The following CHD2 variants were observed in gnomAD, a reference collection of about 807,000 sequenced individuals.
The protein encoded by CHD2 is chromodomain helicase DNA binding protein 2, also known as ATP-dependent chromatin remodeler CHD2.
CHD2 carries 28 observed loss-of-function variants against 243.9 expected under a neutral mutation model. The ratio of observed to expected loss-of-function variants is 0.11; its 90% CI spans 0.09 to 0.16. CHD2 has a LOEUF of 0.16. CHD2 is among the 10% of genes least tolerant of loss of function. CHD2 has a pLI of 1.00. For synonymous variants in CHD2, 775 were observed against 779.0 expected (o/e 0.99, Z 0.09); for missense variants, 1,386 against 2,209.8 (o/e 0.63, Z 7.47).
intron 3 of CHD2, among the ~76,000 whole-genome samples, chr15:92,926,407 T>A (rs1246192205): frequency 6.6e-6 from 1 of 152,248 alleles, no homozygotes; most frequent in Non-Finnish European, 1.5e-5. Context: ...TTTTGCTACT[T>A]GCTTAATTTC....
chr15:92,949,530 C>A (rs1015877640), intron 13 of CHD2, among the ~76,000 whole-genome samples: 3 of 152,140 alleles, frequency 2.0e-5, no homozygotes, highest in African/African-American at 7.2e-5. Context: ...TCACTCCACT[C>A]CCTACCTATA....
In CHD2 at chr15:92,972,346, A is replaced by G. The variant is rs2141836222; in HGVS notation, c.2434A>G (p.Ile812Val). 1 of 1,612,710 alleles carries G rather than the reference A, an allele frequency of 6.2e-7. No individual in the cohort carries two copies. The highest frequency in any genetic ancestry group is 8.5e-7 in the Non-Finnish European group (1 of 1,179,446). ...RLRERGNRVL[I>V]FSQMVRMLDI... is the part of the protein sequence containing the mutation. ...TCGAGAAAGGGGGAATCGAGTGCTT[A>G]TCTTCTCTCAGATGGTGAGAATGTT... The change falls in exon 19 of 39, where the codon ATC becomes GTC. Residue 812 changes from isoleucine to valine, a missense_variant. Coordinates refer to ENST00000394196, the MANE Select transcript of CHD2 (RefSeq NM_001271.4).
In CHD2 at chr15:92,945,811, A is replaced by G; in HGVS notation, c.1154-10A>G. ...TTATAACTTTTCTGTCTTATTTTTT[A>G]TTTGTTTAGCTGTGAAGACAAGTAA... On this transcript the variant is annotated splice_polypyrimidine_tract_variant and intron_variant, in intron 10 of 38. Transcript: ENST00000394196. 1 of 1,515,914 alleles carries G rather than the reference A, an allele frequency of 6.6e-7. No individual in the cohort carries two copies. The highest frequency in any genetic ancestry group is 2.3e-5 in the East Asian group (1 of 43,034). The allele number at this position is 1,515,914 out of a possible 1,614,324, so 93.9% of individuals were successfully genotyped here.
At chr15:92,952,125 C>T (rs1009100438) in intron 13 of CHD2, among the ~76,000 whole-genome samples, 4 of 152,146 alleles carry the variant, frequency 2.6e-5, no homozygotes, top group African/African-American at 9.7e-5. Flanking sequence ...TATTCTGTTT[C>T]CCAAATATAT....
At chr15:93,014,994 A>G (rs961812593) in intron 37 of CHD2, 85 bp downstream of exon 37, 28 of 1,053,012 alleles carry the variant, frequency 2.7e-5, no homozygotes, top group Non-Finnish European at 8.8e-6. Context: ...GACACTGGCT[A>G]GACTTCTGTG....
intron 2 of CHD2, among the ~76,000 whole-genome samples, chr15:92,916,320 T>G (rs1338343682): frequency 6.6e-6 from 1 of 152,260 alleles, no homozygotes; most frequent in Admixed American, 6.5e-5. Context: ...GAGCTCTGTT[T>G]CAGATACTTT....
At position 93,022,520 on chromosome 15, in the gene CHD2, G is replaced by A. The variant is rs551160699; in HGVS notation, c.5154-1852G>A. 2.4e-3 allele frequency among the ~76,000 whole-genome samples: 372 copies of A among 152,320 alleles called. 1 individual carries two copies. The highest frequency in any genetic ancestry group is 8.5e-3 in the African/African-American group (354 of 41,566). ...TGGTGTGGCTGGTGAGAACAGGCAC[G>A]ATGCCAGTTCTTTGTGAGCACAGGG... On this transcript the variant is annotated intron_variant, in intron 38 of 38. Coordinates refer to ENST00000394196, the MANE Select transcript of CHD2 (RefSeq NM_001271.4).
intron 37 of CHD2, among the ~76,000 whole-genome samples, chr15:93,017,338 T>G (rs528401228): frequency 6.6e-4 from 100 of 151,532 alleles, no homozygotes; most frequent in Non-Finnish European, 1.1e-3. Flanking sequence ...TTTCTTTTTT[T>G]GGGAGATGGA....
chr15:92,902,947 A>G lies in CHD2; in HGVS notation c.62+1648A>G, dbSNP rs138735085. On this transcript the variant is annotated intron_variant, in intron 2 of 38. Transcript: ENST00000394196. The stretch of plus-strand genomic sequence containing the variant: ...TTCAGTATTTTTACTCTCACCTGGA[A>G]AACTACCTGGAAGTTGTCAGGCATT... Among the ~76,000 whole-genome samples the G allele has an allele frequency of 6.0e-3, 911 of 152,328 alleles. 3 individuals carry two copies. Among genetic ancestry groups the G allele is most frequent in the Non-Finnish European group, 0.01 (684 of 68,026 alleles).
At chr15:92,951,837 T>A (rs2053558468) in intron 13 of CHD2, among the ~76,000 whole-genome samples, 1 of 152,240 alleles carries the variant, frequency 6.6e-6, no homozygotes, top group African/African-American at 2.4e-5. Context: ...AAGTGTGATC[T>A]TCTTTGTTTC....
At chr15:92,919,983 T>C (rs1337985955) in intron 2 of CHD2, among the ~76,000 whole-genome samples, 1 of 152,206 alleles carries the variant, frequency 6.6e-6, no homozygotes, top group African/African-American at 2.4e-5. Flanking sequence ...TAATCTTTTC[T>C]TGGGTTTGAT....
chr15:93,009,108 A>G, intron 34 of CHD2, 37 bp from the exon 35 acceptor site: 1 of 1,601,804 alleles, frequency 6.2e-7, no homozygotes, highest in Non-Finnish European at 8.5e-7. Context: ...TACTTTCTGC[A>G]GATTGTTTAT....
intron 27 of CHD2, among the ~76,000 whole-genome samples, chr15:92,992,375 G>GT (rs769537125): frequency 4.6e-5 from 7 of 152,146 alleles, no homozygotes; most frequent in African/African-American, 1.4e-4. Flanking sequence ...TTGACAGCCT[G>GT]TTTTTTAGCT....
intron 6 of CHD2, 87 bp from the exon 7 acceptor site, chr15:92,939,491 A>C: frequency 7.3e-7 from 1 of 1,374,926 alleles, no homozygotes. Flanking sequence ...TGATGTATGA[A>C]CCACTGCTCT....
rs1060503521 is a variant in CHD2, at chr15:92,955,474, G to A, written c.1771G>A (p.Ala591Thr). ...CCAAACCAAAAGATTGAAGTTCAAC[G>A]CACTTATAACAACATATGAGATCCT... Reference protein sequence around the residue: ...HSQTKRLKFNALITTYEILLK... With the variant: ...HSQTKRLKFNTLITTYEILLK... The change falls in exon 15 of 39, where the codon GCA becomes ACA. Residue 591 changes from alanine to threonine, a missense_variant. Transcript: ENST00000394196. The A allele has an allele frequency of 3.8e-6, 6 of 1,597,436 alleles. No individual in the cohort carries two copies. Among genetic ancestry groups the A allele is most frequent in the Middle Eastern group, 1.7e-4 (1 of 6,022 alleles).
At chr15:92,943,786 A>G (rs1214552282) in intron 9 of CHD2, 2 of 152,500 alleles carry the variant, frequency 1.3e-5, no homozygotes, top group Non-Finnish European at 2.9e-5. Context: ...ATGTGCATAG[A>G]TTTTTGTGTC....
chr15:92,928,180 C>T (rs1309781149), intron 4 of CHD2, among the ~76,000 whole-genome samples: 2 of 152,192 alleles, frequency 1.3e-5, no homozygotes, highest in Admixed American at 6.5e-5. Context: ...TTCACCCTAA[C>T]ATCTGCATTA....
intron 2 of CHD2, chr15:92,902,338 G>C: frequency 2.5e-6 from 1 of 393,682 alleles, no homozygotes; most frequent in Non-Finnish European, 4.5e-6. Flanking sequence ...AAGTACATAT[G>C]AATGCATTTT....
intron 2 of CHD2, among the ~76,000 whole-genome samples, chr15:92,913,935 C>T (rs2052788090): frequency 6.6e-6 from 1 of 152,136 alleles, no homozygotes. Context: ...AGTCCCTTTG[C>T]GGTTTCTTCT....
Sources: allele counts gnomAD v4.1 joint callset (sites outside exome capture counted in the v4.1 genomes callset), GRCh38; gene constraint gnomAD v4.1.1; transcripts MANE v1.5; gene names NCBI Gene and HGNC (gene_info 2026-07-23, HGNC 2026-07-21).